The following EFCAB7 variants were observed in gnomAD, a reference collection of about 807,000 sequenced individuals.
The protein encoded by EFCAB7 is EF-hand calcium binding domain 7, also known as EF-hand calcium-binding domain-containing protein 7.
EFCAB7 carries 66 observed loss-of-function variants against 77.1 expected under a neutral mutation model. The ratio of observed to expected loss-of-function variants is 0.86; its 90% CI spans 0.70 to 1.05. The LOEUF is 1.05. Ranked by LOEUF, EFCAB7 falls within the 50% of genes least tolerant of loss-of-function variation. The probability of loss-of-function intolerance (pLI) is 0.00; values close to 1 mark genes in which losing one functional copy is unlikely to be tolerated. For missense variants in EFCAB7, 638 were observed against 730.5 expected (o/e 0.87, Z 1.46); for synonymous variants, 225 against 243.3 (o/e 0.92, Z 0.70).
intron 6 of EFCAB7, among the ~76,000 whole-genome samples, chr1:63,541,251 A>G (rs114938758): frequency 0.033 from 5,059 of 152,284 alleles, 114 homozygotes; most frequent in Middle Eastern, 0.051. Context: ...CACCTTGCTT[A>G]TGAAATCATC....
intron 10 of EFCAB7, among the ~76,000 whole-genome samples, chr1:63,561,297 A>G (rs61511753): frequency 6.6e-6 from 1 of 152,332 alleles, no homozygotes; most frequent in African/African-American, 2.4e-5. Flanking sequence ...TTTGGGGAGT[A>G]TTATATCAAA....
chr1:63,549,658 A>G, intron 7 of EFCAB7: 1 of 361,200 alleles, frequency 2.8e-6, no homozygotes, highest in Non-Finnish European at 5.4e-6. Context: ...ATAAGAGACT[A>G]TCATCAATAC....
chr1:63,525,489 C>T, intron 1 of EFCAB7, 83 bp from the exon 2 acceptor site: 23 of 1,112,006 alleles, frequency 2.1e-5, no homozygotes, highest in South Asian at 9.4e-5. Context: ...CTTGATTCTC[C>T]TCCCTGTATT....
At chr1:63,559,521 G>C (rs1490328426) in intron 10 of EFCAB7, among the ~76,000 whole-genome samples, 1 of 152,010 alleles carries the variant, frequency 6.6e-6, no homozygotes, top group East Asian at 1.9e-4. Flanking sequence ...GGAGTGTAGT[G>C]GTGCAATCTC....
At chr1:63,527,440 T>TATA (rs113491101) in intron 2 of EFCAB7, among the ~76,000 whole-genome samples, 2 of 143,936 alleles carry the variant, frequency 1.4e-5, no homozygotes, top group Non-Finnish European at 3.1e-5. Context: ...TTCTGCCACT[T>TATA]ATGTGCATTT....
intron 9 of EFCAB7, among the ~76,000 whole-genome samples, chr1:63,555,717 A>T (rs746968832): frequency 1.3e-5 from 2 of 151,934 alleles, no homozygotes; most frequent in Admixed American, 6.6e-5. Flanking sequence ...ATACTGCATG[A>T]TCTCACTTAT....
intron 11 of EFCAB7, among the ~76,000 whole-genome samples, chr1:63,566,819 T>C (rs1285490105): frequency 3.3e-5 from 5 of 150,764 alleles, no homozygotes; most frequent in African/African-American, 1.2e-4. Context: ...AAATTTATTA[T>C]TGCCAAAGGT....
intron 11 of EFCAB7, among the ~76,000 whole-genome samples, chr1:63,566,815 A>T (rs1445142586): frequency 1.3e-5 from 2 of 150,850 alleles, no homozygotes; most frequent in African/African-American, 2.4e-5. Flanking sequence ...AGGCAAATTT[A>T]TTATTGCCAA....
chr1:63,546,615 G>A (rs11208241), intron 7 of EFCAB7, among the ~76,000 whole-genome samples: 51,481 of 152,004 alleles, frequency 0.34, 8,943 homozygotes, highest in East Asian at 0.48. Context: ...TGATCCACCC[G>A]CTTCGGCCTC....
chr1:63,571,670 C>CAAAAAAAAAAAAAAAAAAAAAAAA (rs10605515), intron 13 of EFCAB7, among the ~76,000 whole-genome samples: 1 of 65,314 alleles, frequency 1.5e-5, no homozygotes, highest in Non-Finnish European at 2.7e-5. Flanking sequence ...GACTCTGTCT[C>CAAAAAAAAAAAAAAAAAAAAAAAA]AAAAAAAAAA....
chr1:63,576,549 G>C (rs914773881), downstream of EFCAB7, among the ~76,000 whole-genome samples: 2 of 151,640 alleles, frequency 1.3e-5, no homozygotes, highest in Non-Finnish European at 2.9e-5. Context: ...TCCAGGTGCA[G>C]TGGCTCACGC....
At chr1:63,574,422 A>T (rs1403618369), downstream of EFCAB7, among the ~76,000 whole-genome samples, 1 of 152,144 alleles carries the variant, frequency 6.6e-6, no homozygotes, top group African/African-American at 2.4e-5. Context: ...GGGAAGAGAT[A>T]GGTGGAAGTT....
the EFCAB7 span, among the ~76,000 whole-genome samples, chr1:63,577,851 T>C: frequency 6.6e-6 from 1 of 152,116 alleles, no homozygotes; most frequent in Non-Finnish European, 1.5e-5. Context: ...ATTTAGAGGA[T>C]GTAGATGAAA....
chr1:63,573,545 C>T (rs1395238228), downstream of EFCAB7, among the ~76,000 whole-genome samples: 1 of 152,140 alleles, frequency 6.6e-6, no homozygotes, highest in East Asian at 1.9e-4. Context: ...TTGGGGATAG[C>T]ACCAGGAGAC....
At chr1:63,546,301 C>A (rs142061260) in intron 7 of EFCAB7, among the ~76,000 whole-genome samples, 4 of 151,890 alleles carry the variant, frequency 2.6e-5, no homozygotes, top group African/African-American at 9.7e-5. Flanking sequence ...CCAAACTTTT[C>A]TACAGCTAAG....
At chr1:63,575,403 T>C (rs749896102), downstream of EFCAB7, among the ~76,000 whole-genome samples, 2 of 152,140 alleles carry the variant, frequency 1.3e-5, no homozygotes, top group Non-Finnish European at 2.9e-5. Context: ...ATATTTTGGA[T>C]ATAATCCAAG....
At chr1:63,533,681 TC>T in intron 5 of EFCAB7, 32 bp downstream of exon 5, 9 of 1,472,374 alleles carry the variant, frequency 6.1e-6, no homozygotes, top group African/African-American at 1.4e-5. Flanking sequence ...AATTTCTTGA[TC>T]AGAAATGAAG....
Position 63,556,372 on chromosome 1 carries a change from A to G in EFCAB7, c.1215-742A>G, listed in dbSNP as rs74368808. Among the ~76,000 whole-genome samples, 165 of 152,344 alleles carry G rather than the reference A, an allele frequency of 1.1e-3. 2 individuals are homozygous for G. In the East Asian group the frequency reaches 0.03, roughly 27 times the overall value. On this transcript the variant is annotated intron_variant, in intron 9 of 13. Transcript: ENST00000371088. The stretch of plus-strand genomic sequence containing the variant: ...CACATTGTACACCATAAATATATAT[A>G]TCAAAACAAAACAGCTCATTCTCTA...
rs550724524 is a variant in EFCAB7, at chr1:63,534,379, A to G, written c.804+163A>G. The G allele has an allele frequency of 2.0e-4, 103 of 525,538 alleles. 1 individual carries two copies. The South Asian group carries it at 3.9e-3, about 20-fold the overall frequency. 32.6% of individuals were successfully genotyped at this position (525,538 alleles called of 1,614,324 possible). On this transcript the variant is annotated intron_variant, in intron 6 of 13. Coordinates refer to ENST00000371088, the MANE Select transcript of EFCAB7 (RefSeq NM_032437.4). ...TAAGCTAGTGTAATACTTTTAAATT[A>G]AAAATGATGAATATTATTATAAGGT...
Sources: allele counts gnomAD v4.1 joint callset (sites outside exome capture counted in the v4.1 genomes callset), GRCh38; gene constraint gnomAD v4.1.1; transcripts MANE v1.5; gene names NCBI Gene and HGNC (gene_info 2026-07-23, HGNC 2026-07-21).